The following PIK3CA variants were observed in gnomAD, a reference collection of about 807,000 sequenced individuals.
PIK3CA encodes phosphatidylinositol 4,5-bisphosphate 3-kinase catalytic subunit alpha isoform.
Under a neutral mutation model 138.2 loss-of-function variants are expected in PIK3CA, and 27 were observed. The observed-to-expected ratio is 0.20, with a 90% CI of 0.14 to 0.27. PIK3CA has a LOEUF of 0.27. PIK3CA is among the 10% of genes least tolerant of loss of function. The pLI, the probability that PIK3CA is intolerant of heterozygous loss-of-function variation, is 1.00. For synonymous variants in PIK3CA, 358 were observed against 413.2 expected, an observed-to-expected ratio of 0.87 and a Z score of 1.62; for missense variants, 544 against 1,277.4, an observed-to-expected ratio of 0.43 and a Z score of 8.75.
At chr3:179,225,796 T>C (rs1285851776) in intron 16 of PIK3CA, among the ~76,000 whole-genome samples, 166 bp from the exon 17 acceptor site, 2 of 152,136 alleles carry the variant, frequency 1.3e-5, no homozygotes, top group Non-Finnish European at 2.9e-5. Context: ...ACATATACAC[T>C]CATTTATAAA....
At chr3:179,206,695 AT>A (rs1313137403) in intron 6 of PIK3CA, among the ~76,000 whole-genome samples, 8 of 152,180 alleles carry the variant, frequency 5.3e-5, no homozygotes, top group Non-Finnish European at 1.0e-4. Context: ...CAGATGGATC[AT>A]TTGAGCCCAG....
chr3:179,181,922 A>G (rs1723856131), intron 1 of PIK3CA, among the ~76,000 whole-genome samples: 1 of 152,232 alleles, frequency 6.6e-6, no homozygotes, highest in African/African-American at 2.4e-5. Flanking sequence ...AGGATACTCC[A>G]TCACATATTT....
chr3:179,160,609 A>G (rs1387986205), intron 1 of PIK3CA, among the ~76,000 whole-genome samples: 1 of 152,200 alleles, frequency 6.6e-6, no homozygotes, highest in African/African-American at 2.4e-5. Context: ...TCTCTTTGAT[A>G]TACACACGTG....
At position 179,229,983 on chromosome 3, in the gene PIK3CA, T is replaced by C. The variant is rs780363283; in HGVS notation, c.2667-21T>C. On this transcript the variant is annotated intron_variant, in intron 18 of 20. Coordinates refer to ENST00000263967, the MANE Select transcript of PIK3CA (RefSeq NM_006218.4). ...AATCACTATATTTCCATACTACTCA[T>C]GAGGTGTTTATTCTTTGTAGATATG... The C allele has an allele frequency of 5.3e-6, 8 of 1,497,632 alleles. No individual in the cohort carries two copies. In the Admixed American group the frequency reaches 1.2e-4, roughly 22 times the overall value. The allele number at this position is 1,497,632 out of a possible 1,614,324, so 92.8% of individuals were successfully genotyped here.
chr3:179,179,004 T>C (rs1228532831), intron 1 of PIK3CA, among the ~76,000 whole-genome samples: 1 of 152,210 alleles, frequency 6.6e-6, no homozygotes, highest in African/African-American at 2.4e-5. Context: ...ACCATATTGT[T>C]ATCATAAATG....
At chr3:179,161,619 C>T (rs1189292089) in intron 1 of PIK3CA, among the ~76,000 whole-genome samples, 1 of 152,176 alleles carries the variant, frequency 6.6e-6, no homozygotes, top group Non-Finnish European at 1.5e-5. Context: ...ATCGCTTAAA[C>T]CCAGGAGTTG....
intron 4 of PIK3CA, among the ~76,000 whole-genome samples, chr3:179,202,404 T>C (rs1724439287): frequency 6.6e-6 from 1 of 152,186 alleles, no homozygotes; most frequent in South Asian, 2.1e-4. Context: ...AACCAGTGGC[T>C]GTGGAATGGA....
intron 9 of PIK3CA, among the ~76,000 whole-genome samples, chr3:179,211,727 C>G (rs1560142663): frequency 1.3e-5 from 2 of 152,174 alleles, no homozygotes; most frequent in African/African-American, 4.8e-5. Flanking sequence ...AGTACTTCAT[C>G]ACTTCAGTAA....
intron 1 of PIK3CA, among the ~76,000 whole-genome samples, chr3:179,167,539 A>G (rs554187225): frequency 6.4e-4 from 98 of 152,254 alleles, no homozygotes; most frequent in African/African-American, 2.3e-3. Flanking sequence ...TACTTTTTAA[A>G]TTGTCAAGTA....
chr3:179,223,772 A>G (rs1488421047), intron 14 of PIK3CA, among the ~76,000 whole-genome samples: 1 of 152,132 alleles, frequency 6.6e-6, no homozygotes, highest in Non-Finnish European at 1.5e-5. Context: ...AATACAACTC[A>G]ATTTACAAAA....
At chr3:179,168,020 T>A (rs1207854902) in intron 1 of PIK3CA, among the ~76,000 whole-genome samples, 1 of 152,224 alleles carries the variant, frequency 6.6e-6, no homozygotes, top group Non-Finnish European at 1.5e-5. Flanking sequence ...TCAGATTTCA[T>A]CTTCAAGTTT....
chr3:179,199,630 A>G (rs1045953704), intron 2 of PIK3CA, 60 bp from the exon 3 acceptor site: 2 of 1,247,280 alleles, frequency 1.6e-6, no homozygotes, highest in African/African-American at 3.0e-5. Flanking sequence ...TTTGCAAAAA[A>G]AACATGTTCA....
chr3:179,150,027 T>TC (rs890558969), intron 1 of PIK3CA, among the ~76,000 whole-genome samples: 3 of 151,800 alleles, frequency 2.0e-5, no homozygotes, highest in African/African-American at 7.3e-5. Context: ...TTTTTTTTTT[T>TC]CCTTTTAACT....
At chr3:179,177,594 T>A (rs1306875099) in intron 1 of PIK3CA, among the ~76,000 whole-genome samples, 1 of 152,134 alleles carries the variant, frequency 6.6e-6, no homozygotes, top group African/African-American at 2.4e-5. Flanking sequence ...ATTACAGGCA[T>A]GAGCCACCAC....
chr3:179,217,408 A>G (rs547978447), intron 9 of PIK3CA, among the ~76,000 whole-genome samples: 2 of 152,240 alleles, frequency 1.3e-5, no homozygotes, highest in African/African-American at 4.8e-5. Flanking sequence ...ATATTTAATA[A>G]ATACTTGTTG....
At chr3:179,152,229 G>A (rs1172882480) in intron 1 of PIK3CA, among the ~76,000 whole-genome samples, 1 of 152,074 alleles carries the variant, frequency 6.6e-6, no homozygotes, top group Non-Finnish European at 1.5e-5. Context: ...TGTATAGAGT[G>A]GCATTCCACC....
chr3:179,174,362 C>A (rs1025924983), intron 1 of PIK3CA, among the ~76,000 whole-genome samples: 1 of 88,798 alleles, frequency 1.1e-5, no homozygotes, highest in African/African-American at 7.1e-5. Flanking sequence ...TCCCAGCTCT[C>A]GGGAGGCTAA....
chr3:179,205,504 G>T (rs1383416982), intron 6 of PIK3CA, among the ~76,000 whole-genome samples: 2 of 152,200 alleles, frequency 1.3e-5, no homozygotes, highest in Non-Finnish European at 2.9e-5. Flanking sequence ...AGAAGTAAGA[G>T]TTGGCAAGCA....
Position 179,163,626 on chromosome 3 carries a change from A to G in PIK3CA, c.-77+15023A>G, listed in dbSNP as rs78507900. 5.0e-3 allele frequency among the ~76,000 whole-genome samples: 761 copies of G among 152,334 alleles called. 7 individuals carry two copies. Among genetic ancestry groups the G allele is most frequent in the African/African-American group, 0.018 (734 of 41,576 alleles). The stretch of plus-strand genomic sequence containing the variant: ...AATAGATGTTTGTCTTTAAATTTTT[A>G]CTACAAATACTTTCAAAAGCACCAT... On this transcript the variant is annotated intron_variant, in intron 1 of 20. Transcript: ENST00000263967.
Sources: allele counts gnomAD v4.1 joint callset (sites outside exome capture counted in the v4.1 genomes callset), GRCh38; gene constraint gnomAD v4.1.1; transcripts MANE v1.5; gene names NCBI Gene and HGNC (gene_info 2026-07-23, HGNC 2026-07-21).